Variants in SYNE1 observed in about 807,000 individuals in gnomAD.
SYNE1 encodes spectrin repeat containing nuclear envelope protein 1, also known as nesprin-1.
Under a neutral mutation model 1,111.0 loss-of-function variants are expected in SYNE1, and 616 were observed. The observed-to-expected ratio is 0.55, with a 90% confidence interval of 0.52 to 0.59. The LOEUF (loss-of-function observed/expected upper bound fraction) is 0.59. Among genes scored for constraint, SYNE1 ranks in the 20% least tolerant of loss-of-function variants. The probability of loss-of-function intolerance (pLI) is 0.00; values close to 1 mark genes in which losing one functional copy is unlikely to be tolerated. For synonymous variants in SYNE1, 3,855 were observed against 3,825.8 expected, an observed-to-expected ratio of 1.01 and a Z score of -0.28; for missense variants, 10,006 against 10,417.0, an observed-to-expected ratio of 0.96 and a Z score of 1.72.
At chr6:152,516,002 A>G (rs1253374512) in intron 6 of SYNE1, among the ~76,000 whole-genome samples, 2 of 152,098 alleles carry the variant, frequency 1.3e-5, no homozygotes, top group African/African-American at 4.8e-5. Context: ...TTATCAAAAG[A>G]AAAAAAATCC....
intron 140 of SYNE1, 57 bp from the exon 141 acceptor site, chr6:152,136,875 C>T: frequency 1.9e-6 from 3 of 1,575,942 alleles, no homozygotes; most frequent in Non-Finnish European, 2.6e-6. Context: ...GATATTTTCC[C>T]TTGAAAATGT....
At chr6:152,620,703 C>A (rs1438874963) in intron 3 of SYNE1, among the ~76,000 whole-genome samples, 1 of 152,168 alleles carries the variant, frequency 6.6e-6, no homozygotes, top group East Asian at 1.9e-4. Context: ...CATCATCTGT[C>A]TCTTGACTTG....
At chr6:152,318,052 G>T (rs758711331) in intron 86 of SYNE1, 29 bp downstream of exon 86, 1 of 1,613,880 alleles carries the variant, frequency 6.2e-7, no homozygotes, top group African/African-American at 1.3e-5. Context: ...TGCCTTACAC[G>T]ATTTGGATTT....
At position 152,367,215 on chromosome 6, in the gene SYNE1, C is replaced by T. The variant is rs2097097705; in HGVS notation, c.9972+3G>A. 1 of 1,614,198 alleles carries T rather than the reference C, an allele frequency of 6.2e-7. No individual in the cohort carries two copies. The highest frequency in any genetic ancestry group is 1.1e-5 in the South Asian group (1 of 91,078). ...GGAGATATTTCTGTGTAAAGATGCACACCTCGAGCTTGAGCGTCCTGCTGT... is the reference window on the plus strand; with the variant it reads ...GGAGATATTTCTGTGTAAAGATGCATACCTCGAGCTTGAGCGTCCTGCTGT... On this transcript the variant is annotated splice_donor_region_variant and intron_variant, in intron 62 of 145. Transcript: ENST00000367255.
At chr6:152,195,714 A>G (rs1458734016) in intron 127 of SYNE1, among the ~76,000 whole-genome samples, 1 of 152,074 alleles carries the variant, frequency 6.6e-6, no homozygotes, top group Non-Finnish European at 1.5e-5. Flanking sequence ...AGTTACAAGT[A>G]CCCCTGTGGA....
chr6:152,173,992 C>T (rs1369004815), intron 130 of SYNE1, among the ~76,000 whole-genome samples: 1 of 152,184 alleles, frequency 6.6e-6, no homozygotes, highest in East Asian at 1.9e-4. Context: ...GCAGCAAACT[C>T]ATTTGCTGTA....
intron 127 of SYNE1, 47 bp downstream of exon 127, chr6:152,201,777 A>G (rs931535158): frequency 6.2e-7 from 1 of 1,613,594 alleles, no homozygotes; most frequent in Non-Finnish European, 8.5e-7. Context: ...AAGACATTCC[A>G]GCAGAGGCAC....
intron 85 of SYNE1, 109 bp downstream of exon 85, chr6:152,318,754 G>A: frequency 7.7e-7 from 1 of 1,303,586 alleles, no homozygotes; most frequent in Admixed American, 2.2e-5. Flanking sequence ...GTTACTATTT[G>A]GTTTTAAAAA....
At chr6:152,585,314 A>G (rs770683433) in intron 3 of SYNE1, among the ~76,000 whole-genome samples, 2 of 152,262 alleles carry the variant, frequency 1.3e-5, no homozygotes, top group African/African-American at 2.4e-5. Flanking sequence ...CAGCATGAGA[A>G]CAGACTAATA....
Position 152,398,614 on chromosome 6 carries a change from T to C in SYNE1, c.7350+5A>G. 1.2e-6 allele frequency: 2 copies of C among 1,612,494 alleles called. No homozygotes were observed. Among genetic ancestry groups the C allele is most frequent in the Non-Finnish European group, 1.7e-6 (2 of 1,178,542 alleles). On this transcript the variant is annotated splice_donor_5th_base_variant and intron_variant, in intron 49 of 145. Coordinates refer to ENST00000367255, the MANE Select transcript of SYNE1 (RefSeq NM_182961.4). ...GAAGAAGGAAAAGGATGTCAGCTTC[T>C]ATACCTGAAGATCATGGAGCTTTGC...
intron 3 of SYNE1, among the ~76,000 whole-genome samples, chr6:152,555,864 T>C (rs1206686077): frequency 6.6e-6 from 1 of 152,166 alleles, no homozygotes; most frequent in Non-Finnish European, 1.5e-5. Context: ...ATCAGTAAAT[T>C]CCATGTAGAA....
intron 112 of SYNE1, among the ~76,000 whole-genome samples, chr6:152,232,526 AAAG>A (rs977793903): frequency 3.3e-5 from 5 of 152,246 alleles, no homozygotes; most frequent in African/African-American, 9.6e-5. Flanking sequence ...AAAGCACCAG[AAAG>A]AAGAGAATAT....
chr6:152,613,422 C>T (rs903515586), intron 3 of SYNE1, among the ~76,000 whole-genome samples: 11 of 152,046 alleles, frequency 7.2e-5, no homozygotes, highest in Non-Finnish European at 1.5e-5. Flanking sequence ...GAATAAAATA[C>T]CTAGGAATCC....
chr6:152,154,028 A>C (rs2060905475), intron 133 of SYNE1, among the ~76,000 whole-genome samples: 1 of 152,200 alleles, frequency 6.6e-6, no homozygotes, highest in South Asian at 2.1e-4. Context: ...CATCTCGAGG[A>C]ACTTGGGGGC....
At chr6:152,213,857 T>G in intron 122 of SYNE1, 98 bp from the exon 123 acceptor site, 5 of 1,520,860 alleles carry the variant, frequency 3.3e-6, no homozygotes, top group African/African-American at 2.8e-5. Flanking sequence ...TGCTCAATTC[T>G]AATTGAACCA....
At chr6:152,471,485 C>T (rs893360997) in intron 16 of SYNE1, 112 bp downstream of exon 16, 24 of 1,040,288 alleles carry the variant, frequency 2.3e-5, no homozygotes, top group South Asian at 4.1e-5. Context: ...ATTTAACACA[C>T]GCTATCTTTA....
chr6:152,265,754 C>T (rs1015769990), intron 100 of SYNE1, among the ~76,000 whole-genome samples: 1 of 151,856 alleles, frequency 6.6e-6, no homozygotes, highest in Non-Finnish European at 1.5e-5. Context: ...GTTGTTTTTC[C>T]TTAGTAATCT....
chr6:152,163,270 G>A (rs1187395270), intron 131 of SYNE1, among the ~76,000 whole-genome samples: 1 of 152,158 alleles, frequency 6.6e-6, no homozygotes, highest in Non-Finnish European at 1.5e-5. Context: ...GGCCGAGGGT[G>A]GGCAGATCAC....
chr6:152,635,828 G>T (rs147850033), intron 2 of SYNE1, among the ~76,000 whole-genome samples: 49 of 152,318 alleles, frequency 3.2e-4, no homozygotes, highest in African/African-American at 1.2e-3. Flanking sequence ...CTTCATTGCT[G>T]ATATTTCCCT....
Sources: allele counts gnomAD v4.1 joint callset (sites outside exome capture counted in the v4.1 genomes callset), GRCh38; gene constraint gnomAD v4.1.1; transcripts MANE v1.5; gene names NCBI Gene and HGNC (gene_info 2026-07-23, HGNC 2026-07-21).